DRC8: variants seen among roughly 807,000 people sequenced by gnomAD.
DRC8 encodes dynein regulatory complex protein 8.
At chr1:245,081,970 C>G in the DRC8 span, 1 of 811,868 alleles carries the variant, frequency 1.2e-6, no homozygotes, top group Non-Finnish European at 2.1e-6. Flanking sequence ...GGGGTCACGC[C>G]CAAGTGTGCT....
chr1:244,973,992 A>G, the DRC8 span, among the ~76,000 whole-genome samples: 1 of 152,224 alleles, frequency 6.6e-6, no homozygotes, highest in Non-Finnish European at 1.5e-5. Flanking sequence ...AAAATTATAC[A>G]GAATTATATT....
chr1:245,032,996 C>A, the DRC8 span, among the ~76,000 whole-genome samples: 4,143 of 150,538 alleles, frequency 0.028, 152 homozygotes, highest in East Asian at 0.13. Flanking sequence ...AAAAAAAAAA[C>A]AAAAACCCAA....
the DRC8 span, among the ~76,000 whole-genome samples, chr1:245,088,550 C>A: frequency 5.3e-5 from 8 of 152,290 alleles, no homozygotes; most frequent in African/African-American, 1.9e-4. This position sits in a 1 kb window ranked among gnomAD's most constrained non-coding sequence, Gnocchi z 4.6. Context: ...ACCGGAGTCC[C>A]TAACGAATCC....
At chr1:245,064,346 T>C in the DRC8 span, among the ~76,000 whole-genome samples, 1 of 152,220 alleles carries the variant, frequency 6.6e-6, no homozygotes, top group Non-Finnish European at 1.5e-5. Flanking sequence ...AGGCTTATCC[T>C]GGAATTCTGT....
chr1:245,124,843 C>T, the DRC8 span: 1 of 152,318 alleles, frequency 6.6e-6, no homozygotes, highest in Non-Finnish European at 1.5e-5. Context: ...ACCATCTCCA[C>T]ACTCCAGTCT....
chr1:244,975,950 AAGTATT>A, the DRC8 span, among the ~76,000 whole-genome samples: 1 of 152,136 alleles, frequency 6.6e-6, no homozygotes, highest in Admixed American at 6.6e-5. Flanking sequence ...GTGAATTAGT[AAGTATT>A]AGTATCTGCT....
the DRC8 span, chr1:245,083,495 T>G: frequency 6.2e-7 from 1 of 1,612,136 alleles, no homozygotes; most frequent in South Asian, 1.1e-5. Context: ...GTATGTAAAC[T>G]CCAGCTTATA....
At chr1:245,002,068 A>C in the DRC8 span, 1 of 1,429,828 alleles carries the variant, frequency 7.0e-7, no homozygotes, top group Non-Finnish European at 9.7e-7. Flanking sequence ...AATCACTCAT[A>C]TGACAATTTT....
chr1:244,977,547 G>T, the DRC8 span, among the ~76,000 whole-genome samples: 1 of 152,162 alleles, frequency 6.6e-6, no homozygotes, highest in African/African-American at 2.4e-5. Context: ...TAATAATAAA[G>T]AAGTCGGGGG....
the DRC8 span, among the ~76,000 whole-genome samples, chr1:245,098,574 C>T: frequency 1.2e-3 from 180 of 152,334 alleles, no homozygotes; most frequent in African/African-American, 3.9e-3. Context: ...CAGTGTCCTT[C>T]GGAGTCCCTG....
At chr1:244,971,747 C>T in the DRC8 span, among the ~76,000 whole-genome samples, 1 of 152,014 alleles carries the variant, frequency 6.6e-6, no homozygotes, top group African/African-American at 2.4e-5. Context: ...TCACTTGTTC[C>T]GGTGATCACA....
the DRC8 span, among the ~76,000 whole-genome samples, chr1:245,113,289 G>T: frequency 6.6e-6 from 1 of 152,284 alleles, no homozygotes; most frequent in South Asian, 2.1e-4. Context: ...CCTTCATAAA[G>T]ATCCTGAGAA....
At chr1:245,083,714 A>G in the DRC8 span, 1 of 1,594,248 alleles carries the variant, frequency 6.3e-7, no homozygotes, top group East Asian at 2.2e-5. Flanking sequence ...TACTTATCAC[A>G]ATGACTTATG....
the DRC8 span, among the ~76,000 whole-genome samples, chr1:245,073,911 AAAG>A: frequency 2.0e-5 from 3 of 152,238 alleles, no homozygotes; most frequent in Non-Finnish European, 4.4e-5. Context: ...GTAACAAGAA[AAAG>A]AAGAAAAGAA....
At chr1:245,089,240 C>T in the DRC8 span, among the ~76,000 whole-genome samples, 1 of 152,042 alleles carries the variant, frequency 6.6e-6, no homozygotes, top group Non-Finnish European at 1.5e-5. This position sits in a 1 kb window ranked among gnomAD's most constrained non-coding sequence, Gnocchi z 4.8. Context: ...AGGTTGGGTG[C>T]AGACACCTTG....
At chr1:245,120,157 G>C in the DRC8 span, among the ~76,000 whole-genome samples, 97 of 152,228 alleles carry the variant, frequency 6.4e-4, no homozygotes, top group African/African-American at 2.3e-3. Context: ...GGCTCATAGA[G>C]TAAAAACTAA....
At chr1:245,008,065 A>C in the DRC8 span, among the ~76,000 whole-genome samples, 2 of 152,096 alleles carry the variant, frequency 1.3e-5, no homozygotes, top group African/African-American at 4.8e-5. Flanking sequence ...AGTTCCAGCT[A>C]CTCAGGTGGC....
the DRC8 span, among the ~76,000 whole-genome samples, chr1:245,081,202 C>T: frequency 1.2e-4 from 18 of 151,518 alleles, no homozygotes; most frequent in Non-Finnish European, 1.3e-4. Flanking sequence ...CGCTCTGTCA[C>T]GCAGGCTGGA....
chr1:245,093,234 C>T, the DRC8 span, among the ~76,000 whole-genome samples: 8 of 152,138 alleles, frequency 5.3e-5, no homozygotes, highest in East Asian at 1.4e-3. Context: ...AATTATAAGG[C>T]GTTAAGTTTA....
Sources: gnomAD v4.1 joint callset for allele counts (sites outside exome capture counted in the v4.1 genomes callset) on GRCh38, gnomAD v4.1.1 for gene constraint, Gnocchi (gnomAD v3.1) non-coding constraint, MANE v1.5 for transcripts, NCBI Gene and HGNC (gene_info 2026-07-23, HGNC 2026-07-21) for gene names.